The following KLHL18 variants were observed in gnomAD, a reference collection of about 807,000 sequenced individuals.
The protein encoded by KLHL18 is kelch like family member 18, also known as kelch-like protein 18.
Under a neutral mutation model 58.5 loss-of-function variants are expected in KLHL18, and 38 were observed. That is an observed-to-expected ratio of 0.65 (90% CI 0.50 to 0.85). KLHL18 has a LOEUF of 0.85. KLHL18 is among the 40% of genes least tolerant of loss of function. The probability of loss-of-function intolerance (pLI) is 0.00; values close to 1 mark genes in which losing one functional copy is unlikely to be tolerated. For missense variants in KLHL18, 624 were observed against 778.4 expected, an observed-to-expected ratio of 0.80 and a Z score of 2.36; for synonymous variants, 303 against 301.9, an observed-to-expected ratio of 1.00 and a Z score of -0.04.
intron 1 of KLHL18, among the ~76,000 whole-genome samples, chr3:47,299,749 C>T (rs1702972212): frequency 7.2e-6 from 1 of 139,822 alleles, no homozygotes; most frequent in African/African-American, 2.6e-5. Context: ...ATTGATTGAG[C>T]CTGGGAGGTC....
intron 1 of KLHL18, among the ~76,000 whole-genome samples, chr3:47,288,415 A>C (rs943137449): frequency 6.6e-6 from 1 of 152,048 alleles, no homozygotes; most frequent in Non-Finnish European, 1.5e-5. Context: ...CTCCTGTTGC[A>C]TCTTCTGTCA....
intron 1 of KLHL18, among the ~76,000 whole-genome samples, chr3:47,305,046 A>G (rs879915027): frequency 9.2e-5 from 14 of 151,976 alleles, no homozygotes; most frequent in African/African-American, 1.7e-4. Flanking sequence ...AAGAAAGAAA[A>G]AAACCCATAA....
chr3:47,310,887 A>T (rs535508323), intron 1 of KLHL18, among the ~76,000 whole-genome samples: 1 of 152,302 alleles, frequency 6.6e-6, no homozygotes, highest in Non-Finnish European at 1.5e-5. Flanking sequence ...TCTCTGGACC[A>T]GGCAGTGGTC....
Position 47,340,650 on chromosome 3 carries a change from G to C in KLHL18, c.1200G>C (p.Val400=). 2 of 1,613,976 alleles carry C rather than the reference G, an allele frequency of 1.2e-6. No homozygotes were observed. Among genetic ancestry groups the C allele is most frequent in the Non-Finnish European group, 1.7e-6 (2 of 1,179,996 alleles). Residue 400 remains valine (V), a synonymous_variant, in exon 8 of 10, where the codon GTG becomes GTC. Transcript: ENST00000232766. ...ATGGCAACTCTTCCCTCAGCTCCGT[G>C]GAGACCTACTCACCTGAGACGGACA... is the stretch of plus-strand genomic sequence containing the variant. ...GYDGNSSLSS[V]ETYSPETDKW...
chr3:47,325,828 T>C (rs1317243986), intron 3 of KLHL18, among the ~76,000 whole-genome samples: 1 of 151,752 alleles, frequency 6.6e-6, no homozygotes, highest in Non-Finnish European at 1.5e-5. Flanking sequence ...GGAGTGCAGT[T>C]TCGTGATCTC....
At chr3:47,303,183 A>G (rs186692986) in intron 1 of KLHL18, among the ~76,000 whole-genome samples, 34 of 152,306 alleles carry the variant, frequency 2.2e-4, no homozygotes, top group South Asian at 8.3e-4. Context: ...AGCTTTTTCT[A>G]TAACAATGAT....
chr3:47,338,064 G>C (rs539004681), intron 7 of KLHL18: 1 of 152,084 alleles, frequency 6.6e-6, no homozygotes, highest in African/African-American at 2.4e-5. Flanking sequence ...TAAATTACAG[G>C]CTACCTTAAA....
chr3:47,345,714 A>G lies in KLHL18; in HGVS notation c.*1773A>G, dbSNP rs1278932476. ...CCAGTCTCCACCTGCTTGGTTTCCT[A>G]TCCTTTGCTGCCTGCCTGGGGTGGC... On this transcript the variant is annotated 3_prime_UTR_variant, in exon 10 of 10. Transcript: ENST00000232766. 2 of 152,386 alleles carry G rather than the reference A, an allele frequency of 1.3e-5. No individual in the cohort carries two copies. The highest frequency in any genetic ancestry group is 2.4e-5 in the African/African-American group (1 of 41,354). The allele number at this position is 152,386 out of a possible 1,614,324, so 9.4% of individuals were successfully genotyped here.
chr3:47,305,221 TTACTAGAA>T (rs901791347), intron 1 of KLHL18, among the ~76,000 whole-genome samples: 1 of 152,014 alleles, frequency 6.6e-6, no homozygotes, highest in African/African-American at 2.4e-5. Context: ...GTTCAGTGTT[TTACTAGAA>T]TACTAGAAGT....
intron 1 of KLHL18, among the ~76,000 whole-genome samples, chr3:47,313,241 A>T (rs1259867523): frequency 2.1e-5 from 3 of 142,076 alleles, no homozygotes. Flanking sequence ...TAATAGAGAA[A>T]GGGTCTCACT....
At chr3:47,315,260 C>G (rs1277836419) in intron 1 of KLHL18, among the ~76,000 whole-genome samples, 1 of 152,020 alleles carries the variant, frequency 6.6e-6, no homozygotes, top group Admixed American at 6.6e-5. Flanking sequence ...GAATTGGAGA[C>G]ACCAAATACT....
chr3:47,324,298 CT>C lies in KLHL18; in HGVS notation c.401+1616del, dbSNP rs769288621. 6.4e-3 allele frequency among the ~76,000 whole-genome samples: 239 copies of C among 37,450 alleles called. 4 individuals carry two copies. Among genetic ancestry groups the C allele is most frequent in the East Asian group, 8.9e-3 (10 of 1,118 alleles). 24.6% of individuals were successfully genotyped at this position (37,450 alleles called of 152,430 possible). A position where few individuals can be genotyped will look rare whatever the true frequency, so the allele number is the denominator to read the frequency against. ...CTTCCTTTTTTCTTTTTCTTTCTTT[CT>C]TTTTTTTTTTTTTTTTTTTTTTTTT... On this transcript the variant is annotated intron_variant, in intron 3 of 9. Transcript: ENST00000232766.
intron 3 of KLHL18, among the ~76,000 whole-genome samples, chr3:47,329,163 TAA>T (rs1207493667): frequency 2.1e-5 from 3 of 144,276 alleles, no homozygotes; most frequent in African/African-American, 7.6e-5. Context: ...AAGACAAGTA[TAA>T]GAGTTCCCAT....
chr3:47,320,416 T>TA (rs1703558589), intron 2 of KLHL18, among the ~76,000 whole-genome samples: 1 of 152,172 alleles, frequency 6.6e-6, no homozygotes, highest in Non-Finnish European at 1.5e-5. Flanking sequence ...TGGCAGATCT[T>TA]ATGGTTATTT....
chr3:47,302,972 TATTA>T (rs1178347202), intron 1 of KLHL18, among the ~76,000 whole-genome samples: 1 of 152,254 alleles, frequency 6.6e-6, no homozygotes, highest in Non-Finnish European at 1.5e-5. Context: ...AGTTGTCTTC[TATTA>T]ATTCCTCAGG....
intron 1 of KLHL18, among the ~76,000 whole-genome samples, chr3:47,298,196 A>G: frequency 6.6e-6 from 1 of 151,956 alleles, no homozygotes; most frequent in East Asian, 1.9e-4. Context: ...CCTGGACAAC[A>G]AAGTGAGACC....
intron 1 of KLHL18, among the ~76,000 whole-genome samples, chr3:47,312,455 C>G (rs1420689391): frequency 6.6e-6 from 1 of 152,010 alleles, no homozygotes; most frequent in African/African-American, 2.4e-5. Flanking sequence ...TTCTAACCAA[C>G]CAGTTATGTG....
At chr3:47,286,938 GAGTAA>G (rs1702688165) in intron 1 of KLHL18, among the ~76,000 whole-genome samples, 1 of 152,196 alleles carries the variant, frequency 6.6e-6, no homozygotes, top group Non-Finnish European at 1.5e-5. Context: ...CCTGTCTGAA[GAGTAA>G]ACCTCCAGTC....
intron 3 of KLHL18, among the ~76,000 whole-genome samples, chr3:47,325,550 T>C (rs965496738): frequency 6.6e-6 from 1 of 152,174 alleles, no homozygotes; most frequent in African/African-American, 2.4e-5. Context: ...AAAACCATTC[T>C]GAGCACCAGT....
Sources: allele counts gnomAD v4.1 joint callset (sites outside exome capture counted in the v4.1 genomes callset), GRCh38; gene constraint gnomAD v4.1.1; transcripts MANE v1.5; gene names NCBI Gene and HGNC (gene_info 2026-07-23, HGNC 2026-07-21).